Variants in ANO3 observed in about 807,000 individuals in gnomAD.
The protein encoded by ANO3 is anoctamin 3.
A neutral mutation model predicts 144.8 loss-of-function variants in ANO3; 99 were observed. That is an observed-to-expected ratio of 0.68 (90% CI 0.58 to 0.81). The LOEUF (loss-of-function observed/expected upper bound fraction) is 0.81, where lower values mean the gene tolerates loss of function less well. ANO3 is among the 30% of genes least tolerant of loss of function. ANO3 has a pLI of 0.00. For synonymous variants in ANO3, 414 were observed against 392.6 expected, an observed-to-expected ratio of 1.05 and a Z score of -0.64; for missense variants, 905 against 1,202.2, an observed-to-expected ratio of 0.75 and a Z score of 3.66.
chr11:26,394,313 G>A (rs72884550), intron 1 of ANO3, among the ~76,000 whole-genome samples: 21,818 of 151,750 alleles, frequency 0.14, 1,694 homozygotes, highest in South Asian at 0.27. Flanking sequence ...AGAAATTTTG[G>A]GATTATCTGG....
chr11:26,471,929 G>A (rs763697442), intron 4 of ANO3, among the ~76,000 whole-genome samples: 28 of 152,030 alleles, frequency 1.8e-4, no homozygotes, highest in Middle Eastern at 3.4e-3. Flanking sequence ...GAGTACTTAA[G>A]AATTTATTTT....
chr11:26,364,470 A>C (rs1856009342), intron 1 of ANO3, among the ~76,000 whole-genome samples: 1 of 152,238 alleles, frequency 6.6e-6, no homozygotes, highest in African/African-American at 2.4e-5. Context: ...AAAGTAATTT[A>C]TAAAGAAAAG....
intron 1 of ANO3, among the ~76,000 whole-genome samples, chr11:26,301,806 G>C (rs1854239227): frequency 1.3e-5 from 2 of 152,270 alleles, no homozygotes; most frequent in South Asian, 4.1e-4. Flanking sequence ...TTATAGAACA[G>C]ACTGTTTTAT....
chr11:26,305,070 T>G (rs766149707), upstream of ANO3, among the ~76,000 whole-genome samples: 1 of 150,588 alleles, frequency 6.6e-6, no homozygotes, highest in East Asian at 2.0e-4. Flanking sequence ...AGATAGAAAT[T>G]AAGAAAAAGT....
chr11:26,408,675 C>T (rs929095903), intron 1 of ANO3, among the ~76,000 whole-genome samples: 4 of 150,184 alleles, frequency 2.7e-5, no homozygotes, highest in East Asian at 2.0e-4. Flanking sequence ...CACATGCACA[C>T]GTATGTTTAT....
intron 21 of ANO3, 97 bp downstream of exon 21, chr11:26,639,338 A>G: frequency 3.6e-6 from 3 of 830,184 alleles, no homozygotes; most frequent in Non-Finnish European, 6.1e-6. Context: ...CTTGGTAATC[A>G]GACAAATGAT....
rs1243582678 is a variant in ANO3 at position 26,656,075 on chromosome 11, C to T, written c.2577-50C>T. 10 of 1,373,240 alleles carry T rather than the reference C, an allele frequency of 7.3e-6. No individual in the cohort carries two copies. In the East Asian group the frequency reaches 2.1e-4, roughly 28 times the overall value. The allele number at this position is 1,373,240 out of a possible 1,614,324, so 85.1% of individuals were successfully genotyped here. Reference sequence around the variant, plus strand: ...TGGCATTTGTAATAAAATAATTAGGCTAGAAACGTATGAATCTTTGAATCA... The same window carrying T: ...TGGCATTTGTAATAAAATAATTAGGTTAGAAACGTATGAATCTTTGAATCA... On this transcript the variant is annotated intron_variant, in intron 24 of 26. Transcript: ENST00000256737.
At chr11:26,414,636 T>A (rs1466572365) in intron 1 of ANO3, among the ~76,000 whole-genome samples, 2 of 151,712 alleles carry the variant, frequency 1.3e-5, no homozygotes, top group Non-Finnish European at 2.9e-5. Context: ...AAATACCTAA[T>A]GCTTGCAGGG....
At chr11:26,636,415 T>G (rs1852960134) in intron 20 of ANO3, among the ~76,000 whole-genome samples, 1 of 152,222 alleles carries the variant, frequency 6.6e-6, no homozygotes, top group Admixed American at 6.5e-5. Flanking sequence ...ATTAATATTT[T>G]TTATGAAATC....
chr11:26,388,896 CCTT>C (rs901064524), intron 1 of ANO3, among the ~76,000 whole-genome samples: 3 of 151,986 alleles, frequency 2.0e-5, no homozygotes, highest in African/African-American at 7.3e-5. Flanking sequence ...TACTACACAG[CCTT>C]CTTTGTTAGA....
chr11:26,370,729 G>A (rs1856230253), intron 1 of ANO3, among the ~76,000 whole-genome samples: 1 of 152,176 alleles, frequency 6.6e-6, no homozygotes, highest in Non-Finnish European at 1.5e-5. Flanking sequence ...CTCAGATGGA[G>A]ATAAGGCACT....
chr11:26,505,992 C>CAAAAA (rs56193607), intron 4 of ANO3, among the ~76,000 whole-genome samples: 1 of 78,450 alleles, frequency 1.3e-5, no homozygotes, highest in African/African-American at 5.2e-5. Context: ...GACTCTGTCT[C>CAAAAA]AAAAAAAAAA....
At chr11:26,559,323 C>G (rs1312874944) in intron 13 of ANO3, 2 of 164,224 alleles carry the variant, frequency 1.2e-5, no homozygotes, top group East Asian at 3.4e-4. Flanking sequence ...CCAACTTCCC[C>G]ACTCCTAGAA....
chr11:26,397,667 C>A (rs2133970404), intron 1 of ANO3, among the ~76,000 whole-genome samples: 1 of 152,144 alleles, frequency 6.6e-6, no homozygotes, highest in African/African-American at 2.4e-5. Flanking sequence ...GCGTATTCAT[C>A]TTCTCAAACG....
intron 1 of ANO3, among the ~76,000 whole-genome samples, chr11:26,377,837 C>T (rs536010765): frequency 6.6e-6 from 1 of 152,160 alleles, no homozygotes; most frequent in African/African-American, 2.4e-5. Flanking sequence ...TCAAGAGTAA[C>T]AATGGAAGCT....
chr11:26,257,991 T>A (rs1265889935), intron 1 of ANO3, among the ~76,000 whole-genome samples: 9 of 152,036 alleles, frequency 5.9e-5, no homozygotes, highest in Admixed American at 5.9e-4. Flanking sequence ...ATCCAAGAAT[T>A]ATCAAAAACT....
At chr11:26,553,518 A>G (rs1463956916) in intron 13 of ANO3, among the ~76,000 whole-genome samples, 173 bp downstream of exon 13, 1 of 152,148 alleles carries the variant, frequency 6.6e-6, no homozygotes, top group Non-Finnish European at 1.5e-5. Flanking sequence ...GAAAGCGAGT[A>G]TACTTTTATT....
chr11:26,319,860 T>A (rs1464609205), intron 1 of ANO3, among the ~76,000 whole-genome samples: 2 of 152,134 alleles, frequency 1.3e-5, no homozygotes, highest in Non-Finnish European at 1.5e-5. Flanking sequence ...TTTATTTTTA[T>A]CAATGTACAA....
At chr11:26,312,450 C>T (rs557696358) in intron 1 of ANO3, among the ~76,000 whole-genome samples, 68 of 152,332 alleles carry the variant, frequency 4.5e-4, no homozygotes, top group African/African-American at 1.4e-3. Context: ...AACTAGTTTA[C>T]AGTCCCACCA....
Sources: allele counts gnomAD v4.1 joint callset (sites outside exome capture counted in the v4.1 genomes callset), GRCh38; gene constraint gnomAD v4.1.1; transcripts MANE v1.5; gene names NCBI Gene and HGNC (gene_info 2026-07-23, HGNC 2026-07-21).